The following ECSIT variants were observed in gnomAD, a reference collection of about 807,000 sequenced individuals.
ECSIT encodes evolutionarily conserved signaling intermediate in Toll pathway, mitochondrial.
A neutral mutation model predicts 36.8 loss-of-function variants in ECSIT; 29 were observed. The ratio of observed to expected loss-of-function variants is 0.79; its 90% CI spans 0.59 to 1.08. The LOEUF is 1.08. Ranked by LOEUF, ECSIT falls within the 50% of genes least tolerant of loss-of-function variation. The pLI, the probability that ECSIT is intolerant of heterozygous loss-of-function variation, is 0.00. For synonymous variants in ECSIT, 231 were observed against 234.8 expected (o/e 0.98, Z 0.15); for missense variants, 542 against 581.0 (o/e 0.93, Z 0.69).
intron 1 of ECSIT, among the ~76,000 whole-genome samples, chr19:11,527,706 T>C (rs1972244375): frequency 6.8e-6 from 1 of 147,378 alleles, no homozygotes; most frequent in East Asian, 2.1e-4. Context: ...AATAAATAAA[T>C]AGCCAGGGAG....
intron 2 of ECSIT, among the ~76,000 whole-genome samples, chr19:11,514,561 G>A (rs946937233): frequency 1.3e-5 from 2 of 150,070 alleles, no homozygotes; most frequent in African/African-American, 2.4e-5. Context: ...CTGGCTCTGT[G>A]GCCTAGGCTG....
intron 1 of ECSIT, among the ~76,000 whole-genome samples, chr19:11,526,735 T>C (rs944612012): frequency 4.0e-5 from 6 of 150,640 alleles, no homozygotes; most frequent in Admixed American, 2.0e-4. Flanking sequence ...TTTTTTTTTT[T>C]TGGAGACAGA....
In ECSIT at chr19:11,510,950, G is replaced by A. The variant is rs575774301; in HGVS notation, c.738+2106C>T. Among the ~76,000 whole-genome samples the A allele has an allele frequency of 1.3e-4, 15 of 115,272 alleles. No homozygotes were observed. In the East Asian group the frequency reaches 3.4e-3, roughly 26 times the overall value. The allele number at this position is 115,272 out of a possible 152,430, so 75.6% of individuals were successfully genotyped here. ...CTTAAATCTCTGCCCCCCCACCCCC[G>A]GCATAGCTCTCCCCACCAACCAAGA... On this transcript the variant is annotated intron_variant, in intron 4 of 7. Transcript: ENST00000270517.
chr19:11,521,359 T>C (rs1028465629), intron 1 of ECSIT, among the ~76,000 whole-genome samples: 5 of 152,198 alleles, frequency 3.3e-5, no homozygotes, highest in African/African-American at 4.8e-5. Context: ...CAGACTGTTT[T>C]TGGGGATGAC....
intron 4 of ECSIT, among the ~76,000 whole-genome samples, chr19:11,511,180 A>G (rs1471156452): frequency 6.6e-6 from 1 of 152,152 alleles, no homozygotes; most frequent in Non-Finnish European, 1.5e-5. Flanking sequence ...CCAGGACCAC[A>G]TGACAAGTGC....
At chr19:11,506,591 G>C (rs1971748170) in intron 7 of ECSIT, among the ~76,000 whole-genome samples, 163 bp from the exon 8 acceptor site, 1 of 141,310 alleles carries the variant, frequency 7.1e-6, no homozygotes, top group South Asian at 2.2e-4. Context: ...CTGGAGTGCA[G>C]TGGCGAGATC....
intron 1 of ECSIT, among the ~76,000 whole-genome samples, chr19:11,527,773 T>G (rs1341835461): frequency 6.6e-6 from 1 of 152,176 alleles, no homozygotes; most frequent in Non-Finnish European, 1.5e-5. Context: ...GAGGATCGCT[T>G]GAGCCCAGGA....
intron 2 of ECSIT, 149 bp downstream of exon 2, chr19:11,518,926 A>G: frequency 1.4e-6 from 1 of 707,790 alleles, no homozygotes; most frequent in Non-Finnish European, 2.5e-6. Context: ...ACATACATAC[A>G]TAAACTAAGG....
rs573185519 is a variant in ECSIT, at chr19:11,519,475, G to A, written c.-23-282C>T. Among the ~76,000 whole-genome samples the A allele has an allele frequency of 2.0e-5, 3 of 152,210 alleles. No individual in the cohort carries two copies. In the East Asian group the frequency reaches 5.8e-4, roughly 29 times the overall value. ...GCGTCGAGAAGCTGGGACTACAGAC[G>A]CGTGCCACCATGCCCAGCTAATTTG... On this transcript the variant is annotated intron_variant, in intron 1 of 7. Transcript: ENST00000270517. This position sits in a 1 kb window ranked among gnomAD's most constrained non-coding sequence, Gnocchi z 4.4.
rs778937789 is a variant in ECSIT, at chr19:11,514,033, T to C, written c.285A>G (p.Lys95=). ...DKASFLQTVQ[K]FAEHSVRKRG... ...GCTTACGCACGCTGTGCTCCGCAAA[T>C]TTCTGCACCGTCTGCAGGAAGCTCG... Residue 95 remains lysine (K), a synonymous_variant, in exon 3 of 8, where the codon AAA becomes AAG. Transcript: ENST00000270517. 6 of 1,614,170 alleles carry C rather than the reference T, an allele frequency of 3.7e-6. No individual in the cohort carries two copies. The South Asian group carries it at 4.4e-5, about 12-fold the overall frequency.
chr19:11,522,764 C>T (rs1452223312), intron 1 of ECSIT, among the ~76,000 whole-genome samples: 1 of 151,584 alleles, frequency 6.6e-6, no homozygotes, highest in Non-Finnish European at 1.5e-5. Flanking sequence ...ACTTTAAACA[C>T]TGAGGGGCTA....
intron 2 of ECSIT, 44 bp from the exon 3 acceptor site, chr19:11,514,265 T>C: frequency 6.5e-7 from 1 of 1,530,102 alleles, no homozygotes; most frequent in East Asian, 2.3e-5. Context: ...CCTCTCAGTG[T>C]CTATGGGGGG....
At chr19:11,521,455 ATTT>A (rs143007908) in intron 1 of ECSIT, among the ~76,000 whole-genome samples, 3 of 140,700 alleles carry the variant, frequency 2.1e-5, no homozygotes, top group Admixed American at 7.2e-5. Context: ...TTATACGTGG[ATTT>A]TTTTTTTTTT....
rs1296603082 is a variant in ECSIT, at chr19:11,506,207, G to C, written c.1273C>G (p.Arg425Gly). Residue 425 changes from arginine to glycine, a missense_variant, in exon 8 of 8, where the codon CGA becomes GGA. Arg to Gly is a moderately radical substitution (Grantham distance 125). Coordinates refer to ENST00000270517, the MANE Select transcript of ECSIT (RefSeq NM_016581.5). ...DHQEEDDNLQRQQQGQS is the reference protein window; with the variant it reads ...DHQEEDDNLQGQQQGQS ...GACTAGCTCTGGCCCTGCTGCTGTC[G>C]CTGCAGGTTGTCGTCTTCTTCCTGG... 1 of 1,606,806 alleles carries C rather than the reference G, an allele frequency of 6.2e-7. No individual in the cohort carries two copies. Among genetic ancestry groups the C allele is most frequent in the Non-Finnish European group, 8.5e-7 (1 of 1,179,904 alleles).
chr19:11,523,454 G>T (rs958199683), intron 1 of ECSIT: 22 of 861,910 alleles, frequency 2.6e-5, no homozygotes, highest in Non-Finnish European at 3.6e-5. Context: ...GGGAGGCATT[G>T]CTGCTGGAGG....
intron 2 of ECSIT, 28 bp from the exon 3 acceptor site, chr19:11,514,249 C>G: frequency 6.3e-7 from 1 of 1,576,910 alleles, no homozygotes. Context: ...CTGCTGGAAT[C>G]TGGCACCTCT....
At chr19:11,507,929 G>C (rs142453125) in intron 5 of ECSIT, 62 bp downstream of exon 5, 1 of 1,613,910 alleles carries the variant, frequency 6.2e-7, no homozygotes, top group Non-Finnish European at 8.5e-7. Context: ...TAGGCCCAGC[G>C]AGAACCTGGC....
In ECSIT at chr19:11,507,775, A is replaced by C; in HGVS notation, c.872T>G (p.Phe291Cys). ...ACACTTGTTGCGGAGCCACAGGGAG[A>C]AGGGGCCCTCAACAAAGACAGGCCG... ...PARPVFVEGPFSLWLRNKCVY... is the reference protein window; with the variant it reads ...PARPVFVEGPCSLWLRNKCVY... The change falls in exon 6 of 8, where the codon TTC (phenylalanine) becomes TGC (cysteine). Residue 291 changes from phenylalanine to cysteine, a missense_variant. Coordinates refer to ENST00000270517, the MANE Select transcript of ECSIT (RefSeq NM_016581.5). 3 of 1,614,074 alleles carry C rather than the reference A, an allele frequency of 1.9e-6. No homozygotes were observed. The highest frequency in any genetic ancestry group is 2.5e-6 in the Non-Finnish European group (3 of 1,180,040).
chr19:11,509,211 T>C (rs1037202584), intron 4 of ECSIT, among the ~76,000 whole-genome samples: 5 of 151,548 alleles, frequency 3.3e-5, no homozygotes, highest in African/African-American at 1.2e-4. Context: ...TAGCTGGGAT[T>C]ACAGGCATGC....
Sources: gnomAD v4.1 joint callset for allele counts (sites outside exome capture counted in the v4.1 genomes callset) on GRCh38, gnomAD v4.1.1 for gene constraint, Gnocchi (gnomAD v3.1) non-coding constraint, MANE v1.5 for transcripts, NCBI Gene and HGNC (gene_info 2026-07-23, HGNC 2026-07-21) for gene names.